Variants in MAPK10 observed in about 807,000 individuals in gnomAD.
MAPK10 encodes mitogen-activated protein kinase 10.
Under a neutral mutation model 59.3 loss-of-function variants are expected in MAPK10, and 25 were observed. That is an observed-to-expected ratio of 0.42 (90% CI 0.31 to 0.59). The LOEUF (loss-of-function observed/expected upper bound fraction) is 0.59, where lower values mean the gene tolerates loss of function less well. Ranked by LOEUF, MAPK10 falls within the 20% of genes least tolerant of loss-of-function variation. The probability of loss-of-function intolerance (pLI) is 0.15; values close to 1 mark genes in which losing one functional copy is unlikely to be tolerated. For synonymous variants in MAPK10, 190 were observed against 200.5 expected, an observed-to-expected ratio of 0.95 and a Z score of 0.44; for missense variants, 351 against 568.9, an observed-to-expected ratio of 0.62 and a Z score of 3.90.
At chr4:86,264,727 A>G (rs2094152731) in intron 2 of MAPK10, among the ~76,000 whole-genome samples, 1 of 152,216 alleles carries the variant, frequency 6.6e-6, no homozygotes, top group Non-Finnish European at 1.5e-5. Flanking sequence ...TGAATGGTTG[A>G]GAAAGAAAAG....
At chr4:86,103,055 C>A in intron 6 of MAPK10, 131 bp downstream of exon 6, 1 of 586,238 alleles carries the variant, frequency 1.7e-6, no homozygotes, top group South Asian at 2.5e-5. Flanking sequence ...TCTCTTTGAG[C>A]AGTATAAGGG....
intron 2 of MAPK10, among the ~76,000 whole-genome samples, chr4:86,339,045 T>C (rs1723300805): frequency 6.6e-6 from 1 of 152,196 alleles, no homozygotes; most frequent in African/African-American, 2.4e-5. Context: ...GAATCTGCTC[T>C]GTTTGACTTG....
At chr4:86,589,918 A>G (rs1170072123) in intron 1 of MAPK10, among the ~76,000 whole-genome samples, 1 of 151,096 alleles carries the variant, frequency 6.6e-6, no homozygotes, top group Non-Finnish European at 1.5e-5. Context: ...CGGCAGGCAG[A>G]GCTTGCAGTG....
At chr4:86,256,859 G>C (rs1423442749) in intron 2 of MAPK10, among the ~76,000 whole-genome samples, 1 of 148,942 alleles carries the variant, frequency 6.7e-6, no homozygotes, top group Non-Finnish European at 1.5e-5. Context: ...TCCTGCTTCA[G>C]CCTCCCGAGT....
intron 2 of MAPK10, among the ~76,000 whole-genome samples, chr4:86,201,219 T>A (rs1182793849): frequency 6.6e-6 from 1 of 151,966 alleles, no homozygotes; most frequent in African/African-American, 2.4e-5. Context: ...TGTGTATATG[T>A]ATGTACCACA....
chr4:86,564,404 G>T (rs1468691871), intron 1 of MAPK10, among the ~76,000 whole-genome samples: 2 of 152,200 alleles, frequency 1.3e-5, no homozygotes, highest in East Asian at 1.9e-4. Flanking sequence ...TAGTACAGAA[G>T]TTGCCTCTCC....
chr4:86,462,555 C>T (rs775826330), intron 1 of MAPK10, among the ~76,000 whole-genome samples: 4 of 152,184 alleles, frequency 2.6e-5, no homozygotes, highest in Non-Finnish European at 5.9e-5. Flanking sequence ...TCAATCACTT[C>T]TCTACAGCAC....
At chr4:86,113,666 C>T (rs938718691) in intron 4 of MAPK10, among the ~76,000 whole-genome samples, 3 of 152,018 alleles carry the variant, frequency 2.0e-5, no homozygotes, top group Admixed American at 6.6e-5. Context: ...TTCATTTTGA[C>T]CTTGGAGAAT....
chr4:86,527,084 G>C (rs571847791), intron 1 of MAPK10, among the ~76,000 whole-genome samples: 74 of 152,072 alleles, frequency 4.9e-4, no homozygotes, highest in African/African-American at 1.6e-3. Flanking sequence ...TGAGGCAAGA[G>C]GATAGCTTGA....
At chr4:86,021,980 C>T (rs539941260) in intron 13 of MAPK10, among the ~76,000 whole-genome samples, 4 of 152,362 alleles carry the variant, frequency 2.6e-5, no homozygotes, top group South Asian at 2.1e-4. Context: ...GGTTCCCGCT[C>T]GTGCCTCTCC....
At chr4:86,476,140 C>T (rs1241112184) in intron 1 of MAPK10, among the ~76,000 whole-genome samples, 4 of 152,108 alleles carry the variant, frequency 2.6e-5, no homozygotes, top group Non-Finnish European at 5.9e-5. Context: ...CTCCTTCTTT[C>T]CTTCCCACCT....
chr4:86,493,035 G>A (rs1219946158), intron 1 of MAPK10, among the ~76,000 whole-genome samples: 1 of 152,174 alleles, frequency 6.6e-6, no homozygotes, highest in Admixed American at 6.5e-5. Context: ...CTGAGTGTTA[G>A]CCAATCCCAG....
intron 1 of MAPK10, among the ~76,000 whole-genome samples, chr4:86,376,453 A>G (rs1739823183): frequency 6.6e-6 from 1 of 152,222 alleles, no homozygotes; most frequent in Non-Finnish European, 1.5e-5. Context: ...ATATTAAGAC[A>G]TCACAAGAAA....
At chr4:86,171,207 C>T (rs1257579371) in intron 3 of MAPK10, 1 of 151,354 alleles carries the variant, frequency 6.6e-6, no homozygotes, top group Non-Finnish European at 1.5e-5. Flanking sequence ...TAGCAGAAGG[C>T]AAGAAATAAC....
chr4:86,087,225 AAC>A (rs2052077851), intron 9 of MAPK10, among the ~76,000 whole-genome samples: 1 of 152,206 alleles, frequency 6.6e-6, no homozygotes, highest in Non-Finnish European at 1.5e-5. Context: ...AGATCATAAA[AAC>A]ACTCATTTTA....
At chr4:86,412,096 T>C (rs1030335944) in intron 1 of MAPK10, among the ~76,000 whole-genome samples, 1 of 152,194 alleles carries the variant, frequency 6.6e-6, no homozygotes, top group Non-Finnish European at 1.5e-5. Context: ...GCAGGCCTGG[T>C]GGTGACAAAA....
chr4:86,118,975 T>A (rs2058751146), intron 4 of MAPK10, among the ~76,000 whole-genome samples: 1 of 152,170 alleles, frequency 6.6e-6, no homozygotes, highest in African/African-American at 2.4e-5. Context: ...CTAACCCCAT[T>A]TGTGATTCAG....
intron 1 of MAPK10, among the ~76,000 whole-genome samples, chr4:86,372,460 C>T (rs576552339): frequency 8.0e-5 from 12 of 150,096 alleles, no homozygotes; most frequent in South Asian, 4.2e-4. Context: ...GAGGTTGCAG[C>T]GAGCTGAGAT....
chr4:86,121,371 A>G (rs77896461), intron 4 of MAPK10, among the ~76,000 whole-genome samples: 1,894 of 152,238 alleles, frequency 0.012, 51 homozygotes, highest in African/African-American at 0.044. Flanking sequence ...TAAGGGCACT[A>G]ATATCATTCA....
Sources: gnomAD v4.1 joint callset for allele counts (sites outside exome capture counted in the v4.1 genomes callset) on GRCh38, gnomAD v4.1.1 for gene constraint, MANE v1.5 for transcripts, NCBI Gene and HGNC (gene_info 2026-07-23, HGNC 2026-07-21) for gene names.